Variants in PTP4A3 observed in about 807,000 individuals in gnomAD.
PTP4A3 encodes the protein protein tyrosine phosphatase 4A3.
A neutral mutation model predicts 15.2 loss-of-function variants in PTP4A3; 9 were observed. That is an observed-to-expected ratio of 0.59 (90% CI 0.36 to 1.03). The LOEUF (loss-of-function observed/expected upper bound fraction) is 1.03. Ranked by LOEUF, PTP4A3 falls within the 50% of genes least tolerant of loss-of-function variation. The pLI, the probability that PTP4A3 is intolerant of heterozygous loss-of-function variation, is 0.02. For missense variants in PTP4A3, 234 were observed against 252.1 expected (o/e 0.93, Z 0.49); for synonymous variants, 95 against 102.0 (o/e 0.93, Z 0.41).
intron 1 of PTP4A3, among the ~76,000 whole-genome samples, chr8:141,394,626 G>A (rs1461496571): frequency 1.3e-5 from 2 of 152,230 alleles, no homozygotes; most frequent in Admixed American, 1.3e-4. Flanking sequence ...CCTGTAAAAT[G>A]GGAGCAATGA....
In PTP4A3 at chr8:141,424,992, C is replaced by A. The variant is rs369744855; in HGVS notation, c.106-56C>A. 1.3e-4 allele frequency: 194 copies of A among 1,464,078 alleles called. No homozygotes were observed. In the African/African-American group the frequency reaches 1.9e-3, roughly 14 times the overall value. 90.7% of individuals were successfully genotyped at this position (1,464,078 alleles called of 1,614,324 possible). ...GGGAGCCCTGGTGAGTGGGTCCTGCCCCCTGAGCCCTGCAGCCCCAGCCCA... is the reference window on the plus strand; with the variant it reads ...GGGAGCCCTGGTGAGTGGGTCCTGCACCCTGAGCCCTGCAGCCCCAGCCCA... On this transcript the variant is annotated intron_variant, in intron 2 of 5. Transcript: ENST00000521578.
intron 1 of PTP4A3, among the ~76,000 whole-genome samples, chr8:141,419,199 T>C (rs1833205437): frequency 6.6e-6 from 1 of 152,180 alleles, no homozygotes; most frequent in Non-Finnish European, 1.5e-5. Context: ...CCTGAGGACC[T>C]GTGCAGGGCC....
chr8:141,399,177 C>T (rs746133722), intron 1 of PTP4A3, among the ~76,000 whole-genome samples: 5 of 152,236 alleles, frequency 3.3e-5, no homozygotes, highest in East Asian at 1.9e-4. Context: ...TCATCCACTC[C>T]GCCCTTGCCC....
Position 141,422,322 on chromosome 8 carries a change from G to C in PTP4A3, c.82G>C (p.Ala28Pro). ...CCTCATCACCCACAACCCCACCAAC[G>C]CCACGCTCAGCACCTTCATTGAGGT... is the stretch of plus-strand genomic sequence containing the variant. ...RFLITHNPTNATLSTFIEDLK... is the reference protein window; with the variant it reads ...RFLITHNPTNPTLSTFIEDLK... Residue 28 changes from alanine (A) to proline (P), a missense_variant, in exon 2 of 6, where the codon GCC becomes CCC. Ala to Pro is a conservative substitution (Grantham distance 27, BLOSUM62 -1). Transcript: ENST00000521578. The C allele has an allele frequency of 6.2e-7, 1 of 1,613,428 alleles. No individual in the cohort carries two copies. The highest frequency in any genetic ancestry group is 8.5e-7 in the Non-Finnish European group (1 of 1,179,966).
intron 3 of PTP4A3, chr8:141,426,331 C>T: frequency 1.5e-6 from 1 of 658,490 alleles, no homozygotes; most frequent in South Asian, 6.8e-5. Flanking sequence ...GGGGACGGGA[C>T]AGTGGGAAGC....
chr8:141,419,884 C>T (rs138206064), intron 1 of PTP4A3, among the ~76,000 whole-genome samples: 4 of 152,278 alleles, frequency 2.6e-5, no homozygotes, highest in South Asian at 2.1e-4. Flanking sequence ...TGACACCCAC[C>T]GCCCATTTTA....
intron 1 of PTP4A3, among the ~76,000 whole-genome samples, chr8:141,392,988 G>A (rs1426274670): frequency 6.6e-6 from 1 of 152,178 alleles, no homozygotes; most frequent in Non-Finnish European, 1.5e-5. Context: ...ACGATGGTGG[G>A]TGTTGGGCAT....
At chr8:141,415,473 A>T (rs935016197) in intron 1 of PTP4A3, among the ~76,000 whole-genome samples, 3 of 150,012 alleles carry the variant, frequency 2.0e-5, no homozygotes, top group African/African-American at 7.4e-5. Context: ...GGCCGGGACC[A>T]GGGTGCCCGC....
rs1439917664 is a variant in PTP4A3, at chr8:141,392,079, C to G, written c.-859C>G. ...CCCGTCGTGCCGGCGCCGCCCGGAC[C>G]GCCAGGTCAGTCTCCTCCGCGCCCG... On this transcript the variant is annotated 5_prime_UTR_variant, in exon 1 of 6. Coordinates refer to ENST00000521578, the MANE Select transcript of PTP4A3 (RefSeq NM_032611.3). 1 of 146,858 alleles carries G rather than the reference C, an allele frequency of 6.8e-6. No individual in the cohort carries two copies. The allele number at this position is 146,858 out of a possible 1,614,324, so 9.1% of individuals were successfully genotyped here. A position where few individuals can be genotyped will look rare whatever the true frequency, so the allele number is the denominator to read the frequency against.
At chr8:141,422,566 C>T (rs1833385739) in intron 2 of PTP4A3, among the ~76,000 whole-genome samples, 4 of 151,958 alleles carry the variant, frequency 2.6e-5, no homozygotes, top group Admixed American at 2.6e-4. Context: ...AACGGGGTCC[C>T]CTGGGAGGCC....
At position 141,406,387 on chromosome 8, in the gene PTP4A3, C is replaced by T. The variant is rs532297633; in HGVS notation, c.-854+14303C>T. Among the ~76,000 whole-genome samples the T allele has an allele frequency of 3.5e-4, 53 of 152,276 alleles. 1 individual carries two copies. The highest frequency in any genetic ancestry group is 1.2e-3 in the African/African-American group (49 of 41,552). On this transcript the variant is annotated intron_variant, in intron 1 of 5. Transcript: ENST00000521578. The surrounding 1 kb of genome is among the most constrained non-coding windows in gnomAD (Gnocchi z 4.5). ...TTCTGAGAAGCCGGGGAGCAGTTCC[C>T]TGGGGTTTCCCCTGGGAAGTCCTGC...
chr8:141,396,008 C>T (rs1006547476), intron 1 of PTP4A3, among the ~76,000 whole-genome samples: 1 of 152,210 alleles, frequency 6.6e-6, no homozygotes, highest in Non-Finnish European at 1.5e-5. Flanking sequence ...TGGCCACCTG[C>T]CCCCGCCAAC....
chr8:141,409,774 G>C (rs1291280337), intron 1 of PTP4A3, among the ~76,000 whole-genome samples: 1 of 152,216 alleles, frequency 6.6e-6, no homozygotes, highest in Non-Finnish European at 1.5e-5. Context: ...AGGCTGCCCA[G>C]CGTGCCCAGC....
chr8:141,418,164 C>G (rs1461675253), intron 1 of PTP4A3, among the ~76,000 whole-genome samples: 1 of 152,164 alleles, frequency 6.6e-6, no homozygotes, highest in Non-Finnish European at 1.5e-5. Flanking sequence ...CGACCCCACC[C>G]GCGACTGGTT....
intron 5 of PTP4A3, among the ~76,000 whole-genome samples, 184 bp downstream of exon 5, chr8:141,428,008 C>T (rs1586570116): frequency 1.3e-5 from 2 of 152,090 alleles, no homozygotes; most frequent in South Asian, 2.1e-4. Flanking sequence ...GGGACAGCAG[C>T]CCCCGAGTGA....
In PTP4A3 at chr8:141,431,865, G is replaced by A. The variant is rs1833892489; in HGVS notation, c.*821G>A. On this transcript the variant is annotated 3_prime_UTR_variant, in exon 6 of 6. Coordinates refer to ENST00000521578, the MANE Select transcript of PTP4A3 (RefSeq NM_032611.3). ...CTCAGGGCCTGTGTCCGGCTGGTTG[G>A]TCCCTGTGCTGCCCAAACCAGGTGT... 1 of 152,344 alleles carries A rather than the reference G, an allele frequency of 6.6e-6. No homozygotes were observed. The highest frequency in any genetic ancestry group is 1.5e-5 in the Non-Finnish European group (1 of 68,116). The allele number at this position is 152,344 out of a possible 1,614,324, so 9.4% of individuals were successfully genotyped here. A position where few individuals can be genotyped will look rare whatever the true frequency, so the allele number is the denominator to read the frequency against.
chr8:141,424,840 C>G (rs760889884), intron 2 of PTP4A3, among the ~76,000 whole-genome samples: 4 of 152,088 alleles, frequency 2.6e-5, no homozygotes, highest in African/African-American at 4.8e-5. Flanking sequence ...GGGTGACATG[C>G]CCTTCCCTGG....
At chr8:141,397,908 C>T (rs1416654782) in intron 1 of PTP4A3, among the ~76,000 whole-genome samples, 2 of 152,238 alleles carry the variant, frequency 1.3e-5, no homozygotes, top group Admixed American at 1.3e-4. Flanking sequence ...CGGCTCCTGC[C>T]TTTATCATGT....
chr8:141,409,880 C>A (rs1355813751), intron 1 of PTP4A3, among the ~76,000 whole-genome samples: 1 of 152,264 alleles, frequency 6.6e-6, no homozygotes, highest in Non-Finnish European at 1.5e-5. Context: ...CGGGGGCCCA[C>A]TCCCTGGGGC....
Sources: allele counts gnomAD v4.1 joint callset (sites outside exome capture counted in the v4.1 genomes callset), GRCh38; gene constraint gnomAD v4.1.1; non-coding constraint Gnocchi (gnomAD v3.1); transcripts MANE v1.5; gene names NCBI Gene and HGNC (gene_info 2026-07-23, HGNC 2026-07-21).